The following SAMD13 variants were observed in gnomAD, a reference collection of about 807,000 sequenced individuals.
SAMD13 encodes the protein sterile alpha motif domain-containing protein 13.
In SAMD13, 9 loss-of-function variants were observed where a neutral mutation model predicts 12.4. The ratio of observed to expected loss-of-function variants is 0.72; its 90% CI spans 0.44 to 1.26. SAMD13 has a LOEUF of 1.26. Ranked by LOEUF, SAMD13 falls within the 50% of genes most tolerant of loss-of-function variation. The pLI, the probability that SAMD13 is intolerant of heterozygous loss-of-function variation, is 0.00. For missense variants in SAMD13, 84 were observed against 119.6 expected (o/e 0.70, Z 1.39); for synonymous variants, 46 against 45.4 (o/e 1.01, Z -0.05).
intron 2 of SAMD13, 128 bp from the exon 3 acceptor site, chr1:84,325,509 C>T: frequency 4.7e-6 from 3 of 640,480 alleles, no homozygotes; most frequent in Non-Finnish European, 8.5e-6. Context: ...AGTGACTAAG[C>T]CAGTGAGAGT....
At position 84,303,177 on chromosome 1, in the gene SAMD13, A is replaced by T. The variant is rs778433560; in HGVS notation, c.-32-26A>T. 78 of 1,552,098 alleles carry T rather than the reference A, an allele frequency of 5.0e-5. No homozygotes were observed. In the African/African-American group the frequency reaches 9.2e-4, roughly 18 times the overall value. On this transcript the variant is annotated intron_variant, in intron 1 of 3. Coordinates refer to ENST00000394834, the MANE Select transcript of SAMD13 (RefSeq NM_001134663.2). ...TTCTCTCACTTTCTAAGAATTAAACACAAGCTTTTCTCCCTTATTGATTAG... is the reference window on the plus strand; with the variant it reads ...TTCTCTCACTTTCTAAGAATTAAACTCAAGCTTTTCTCCCTTATTGATTAG...
intron 3 of SAMD13, among the ~76,000 whole-genome samples, chr1:84,335,312 T>C (rs1679269878): frequency 6.6e-6 from 1 of 152,190 alleles, no homozygotes; most frequent in Non-Finnish European, 1.5e-5. Context: ...TTGTCTTTTT[T>C]TTAAAATCGT....
At chr1:84,338,690 G>T (rs147286478) in intron 3 of SAMD13, among the ~76,000 whole-genome samples, 2 of 151,954 alleles carry the variant, frequency 1.3e-5, no homozygotes, top group African/African-American at 4.8e-5. Context: ...CACCTGCCTC[G>T]GCCTCCCAAA....
intron 3 of SAMD13, among the ~76,000 whole-genome samples, chr1:84,330,098 G>A (rs891606688): frequency 6.6e-6 from 1 of 152,194 alleles, no homozygotes; most frequent in African/African-American, 2.4e-5. Context: ...TTAGGCTGTG[G>A]TGAAGGGAAT....
chr1:84,314,966 C>A (rs1259466036), intron 2 of SAMD13, among the ~76,000 whole-genome samples: 1 of 151,072 alleles, frequency 6.6e-6, no homozygotes, highest in African/African-American at 2.4e-5. Flanking sequence ...CCCTCCGTCC[C>A]TCCTTCTGTC....
chr1:84,317,465 G>A (rs1162980541), intron 2 of SAMD13, among the ~76,000 whole-genome samples: 3 of 151,806 alleles, frequency 2.0e-5, no homozygotes, highest in Non-Finnish European at 2.9e-5. Flanking sequence ...AGACGATCGT[G>A]TGATTTTTAT....
At chr1:84,345,864 A>G (rs927269572) in intron 3 of SAMD13, among the ~76,000 whole-genome samples, 3 of 152,144 alleles carry the variant, frequency 2.0e-5, no homozygotes, top group Non-Finnish European at 2.9e-5. Flanking sequence ...AAATTTATAC[A>G]TATTTTTTAA....
chr1:84,337,491 T>C (rs1212797958), intron 3 of SAMD13, among the ~76,000 whole-genome samples: 1 of 152,132 alleles, frequency 6.6e-6, no homozygotes, highest in Admixed American at 6.5e-5. Context: ...TCTACATTGG[T>C]CCCTTTCAGC....
At chr1:84,345,019 C>T (rs1679507506) in intron 3 of SAMD13, 2 of 456,686 alleles carry the variant, frequency 4.4e-6, no homozygotes, top group Non-Finnish European at 8.8e-6. Context: ...AGATTCCACT[C>T]CTCCATCTTT....
chr1:84,332,730 T>G (rs1463655522), intron 3 of SAMD13, among the ~76,000 whole-genome samples: 1 of 152,234 alleles, frequency 6.6e-6, no homozygotes, highest in African/African-American at 2.4e-5. Context: ...CTCTTTAGTT[T>G]AATTAGGTCC....
At chr1:84,316,251 T>A (rs1420553947) in intron 2 of SAMD13, among the ~76,000 whole-genome samples, 2 of 43,852 alleles carry the variant, frequency 4.6e-5, no homozygotes, top group East Asian at 1.1e-3. Context: ...ATTTTTGCTT[T>A]TGTTGCCTAT....
At chr1:84,332,861 G>A (rs1679220796) in intron 3 of SAMD13, among the ~76,000 whole-genome samples, 1 of 151,980 alleles carries the variant, frequency 6.6e-6, no homozygotes, top group Non-Finnish European at 1.5e-5. Context: ...TATACTTTTA[G>A]GCTTTACATT....
intron 2 of SAMD13, among the ~76,000 whole-genome samples, chr1:84,323,323 T>A (rs1678984354): frequency 6.6e-6 from 1 of 152,144 alleles, no homozygotes; most frequent in African/African-American, 2.4e-5. Flanking sequence ...TTACTATTGA[T>A]TTAAAAACAC....
intron 3 of SAMD13, among the ~76,000 whole-genome samples, chr1:84,337,843 T>C (rs1679334884): frequency 6.6e-6 from 1 of 152,220 alleles, no homozygotes; most frequent in Non-Finnish European, 1.5e-5. Flanking sequence ...CCAAATCACC[T>C]CTTGAAGGCT....
intron 2 of SAMD13, among the ~76,000 whole-genome samples, chr1:84,305,226 T>G (rs1184626762): frequency 6.6e-6 from 1 of 152,166 alleles, no homozygotes; most frequent in Non-Finnish European, 1.5e-5. Context: ...ATCAGGTGTT[T>G]TATGTTTTCA....
At chr1:84,298,616 T>C (rs376391726), upstream of SAMD13, 10 of 1,274,144 alleles carry the variant, frequency 7.8e-6, no homozygotes, top group African/African-American at 1.4e-4. Context: ...GCCCGCCCTC[T>C]CCTCTCTCCA....
chr1:84,303,782 G>A lies in SAMD13; in HGVS notation c.53+495G>A, dbSNP rs567806903. 4 of 153,110 alleles carry A rather than the reference G, an allele frequency of 2.6e-5. No homozygotes were observed. The South Asian group carries it at 6.2e-4, about 24-fold the overall frequency. 9.5% of individuals were successfully genotyped at this position (153,110 alleles called of 1,614,324 possible). A position where few individuals can be genotyped will look rare whatever the true frequency, so the allele number is the denominator to read the frequency against. On this transcript the variant is annotated intron_variant, in intron 2 of 3. Coordinates refer to ENST00000394834, the MANE Select transcript of SAMD13 (RefSeq NM_001134663.2). ...TGTTTAATGAATGTGAAACATTTCT[G>A]TGCATACATGGTGTTTATTTTAAAG...
At chr1:84,320,702 G>A (rs1232196855) in intron 2 of SAMD13, among the ~76,000 whole-genome samples, 4 of 152,268 alleles carry the variant, frequency 2.6e-5, no homozygotes, top group Non-Finnish European at 2.9e-5. Context: ...TAAATATCTA[G>A]GCAGCACAAA....
intron 3 of SAMD13, among the ~76,000 whole-genome samples, chr1:84,326,645 G>T (rs1006774876): frequency 6.6e-6 from 1 of 152,132 alleles, no homozygotes; most frequent in African/African-American, 2.4e-5. Context: ...CTCTACCAAC[G>T]AAGGCTGCAG....
Sources: gnomAD v4.1 joint callset for allele counts (sites outside exome capture counted in the v4.1 genomes callset) on GRCh38, gnomAD v4.1.1 for gene constraint, MANE v1.5 for transcripts, NCBI Gene and HGNC (gene_info 2026-07-23, HGNC 2026-07-21) for gene names.